Variants in ATN1 observed in about 807,000 individuals in gnomAD.
ATN1 encodes atrophin-1.
Under a neutral mutation model 85.8 loss-of-function variants are expected in ATN1, and 19 were observed. The ratio of observed to expected loss-of-function variants is 0.22; its 90% confidence interval spans 0.15 to 0.32. The LOEUF (loss-of-function observed/expected upper bound fraction) is 0.32, where lower values mean the gene tolerates loss of function less well. ATN1 is among the 10% of genes least tolerant of loss of function. The probability of loss-of-function intolerance (pLI) is 1.00; values close to 1 mark genes in which losing one functional copy is unlikely to be tolerated. For synonymous variants in ATN1, 674 were observed against 657.0 expected (o/e 1.03, Z -0.39); for missense variants, 1,453 against 1,564.5 (o/e 0.93, Z 1.20).
chr12:6,925,466 A>G (rs2138195122), upstream of ATN1, among the ~76,000 whole-genome samples: 2 of 152,112 alleles, frequency 1.3e-5, no homozygotes, highest in Middle Eastern at 6.8e-3. Context: ...GAACAAAGTC[A>G]GGGGTGGGGA....
chr12:6,937,735 C>T lies in ATN1; in HGVS notation c.2295-110C>T, dbSNP rs1945569662. The T allele has an allele frequency of 6.9e-7, 1 of 1,456,530 alleles. No homozygotes were observed. The highest frequency in any genetic ancestry group is 9.0e-7 in the Non-Finnish European group (1 of 1,107,506). The allele number at this position is 1,456,530 out of a possible 1,614,324, so 90.2% of individuals were successfully genotyped here. On this transcript the variant is annotated intron_variant, in intron 5 of 9. Coordinates refer to ENST00000396684, the MANE Select transcript of ATN1 (RefSeq NM_001940.4). The surrounding 1 kb of genome is among the most constrained non-coding windows in gnomAD (Gnocchi z 6.0). ...GAGGCCCGCAGCAGCTCACAGCCTG[C>T]AGGGGTGGTTTTGAGGCGGGGGCTA... is the stretch of plus-strand genomic sequence containing the variant.
rs781873081 is a variant in ATN1, at chr12:6,934,921, C to T, written c.279+343C>T. 2.6e-5 allele frequency among the ~76,000 whole-genome samples: 4 copies of T among 151,938 alleles called. No homozygotes were observed. Among genetic ancestry groups the T allele is most frequent in the East Asian group, 1.9e-4 (1 of 5,184 alleles). On this transcript the variant is annotated intron_variant, in intron 4 of 9. Transcript: ENST00000396684. The surrounding 1 kb of genome is among the most constrained non-coding windows in gnomAD (Gnocchi z 4.5). ...TGTTTGTTTGTTTTTGAGACAGTTT[C>T]GCTCTGTCACCCAGGCTGGAGTACA...
chr12:6,936,221 T>G lies in ATN1; in HGVS notation c.954T>G (p.Pro318=). 2 of 1,601,318 alleles carry G rather than the reference T, an allele frequency of 1.2e-6. No individual in the cohort carries two copies. The highest frequency in any genetic ancestry group is 1.7e-6 in the Non-Finnish European group (2 of 1,172,928). ...RPLNNASASP[P]GLGAQPLPGH... Reference sequence around the variant, plus strand: ...TCAACAATGCATCAGCCTCTCCCCCTGGCCTGGGGGCCCAACCACTACCTG... The same window carrying G: ...TCAACAATGCATCAGCCTCTCCCCCGGGCCTGGGGGCCCAACCACTACCTG... The change falls in exon 5 of 10, where the codon CCT becomes CCG. Residue 318 remains proline (P), a synonymous_variant. Transcript: ENST00000396684.
At chr12:6,933,762 G>T in intron 1 of ATN1, 78 bp from the exon 2 acceptor site, 1 of 600,348 alleles carries the variant, frequency 1.7e-6, no homozygotes, top group Non-Finnish European at 3.0e-6. Flanking sequence ...CGCTTGCTCA[G>T]TTCTCTGACA....
chr12:6,937,757 G>A lies in ATN1; in HGVS notation c.2295-88G>A. On this transcript the variant is annotated intron_variant, in intron 5 of 9. Transcript: ENST00000396684. The surrounding 1 kb of genome is among the most constrained non-coding windows in gnomAD (Gnocchi z 6.0). ...CTGCAGGGGTGGTTTTGAGGCGGGG[G>A]CTACAAGCACTCGCCGGGGCCGCGG... 1 of 1,464,120 alleles carries A rather than the reference G, an allele frequency of 6.8e-7. No homozygotes were observed. Among genetic ancestry groups the A allele is most frequent in the Non-Finnish European group, 9.0e-7 (1 of 1,110,284 alleles). 90.7% of individuals were successfully genotyped at this position (1,464,120 alleles called of 1,614,324 possible). A position where few individuals can be genotyped will look rare whatever the true frequency, so the allele number is the denominator to read the frequency against.
chr12:6,930,605 C>A (rs1441591843), intron 1 of ATN1, among the ~76,000 whole-genome samples: 1 of 152,192 alleles, frequency 6.6e-6, no homozygotes, highest in Admixed American at 6.5e-5. Context: ...ACCATCCTGG[C>A]TAACACGGTG....
intron 7 of ATN1, among the ~76,000 whole-genome samples, chr12:6,940,285 C>T (rs952203673): frequency 2.6e-5 from 4 of 151,168 alleles, no homozygotes; most frequent in Admixed American, 2.0e-4. Flanking sequence ...CCACCGCACC[C>T]GGCTTCCTTT....
Position 6,936,887 on chromosome 12 carries a change from G to T in ATN1, c.1620G>T (p.Arg540Ser), listed in dbSNP as rs782491137. ...YAMSPSLGSLRPYPPGPAHLP... is the reference protein window; with the variant it reads ...YAMSPSLGSLSPYPPGPAHLP... ...TGTCTCCCTCCCTGGGGTCTCTGAG[G>T]CCCTACCCACCAGGGCCAGCACACC... The change falls in exon 5 of 10, where the codon AGG (arginine) becomes AGT (serine). Residue 540 changes from arginine (R) to serine (S), a missense_variant. Arg to Ser is a moderately radical substitution (Grantham distance 110). Coordinates refer to ENST00000396684, the MANE Select transcript of ATN1 (RefSeq NM_001940.4). The T allele has an allele frequency of 6.2e-6, 10 of 1,613,786 alleles. No individual in the cohort carries two copies. Among genetic ancestry groups the T allele is most frequent in the Admixed American group, 1.7e-5 (1 of 59,992 alleles).
At position 6,937,576 on chromosome 12, in the gene ATN1, G is replaced by A; in HGVS notation, c.2294+15G>A. ...CAGTCTGCCAGGTGAGCGGCCAGGTGGGGCGGAGGTGGGCCTGGAAAGGGG... is the reference window on the plus strand; with the variant it reads ...CAGTCTGCCAGGTGAGCGGCCAGGTAGGGCGGAGGTGGGCCTGGAAAGGGG... On this transcript the variant is annotated intron_variant, in intron 5 of 9. Transcript: ENST00000396684. The surrounding 1 kb of genome is among the most constrained non-coding windows in gnomAD (Gnocchi z 6.0). 1.4e-6 allele frequency: 2 copies of A among 1,481,050 alleles called. No individual in the cohort carries two copies. Among genetic ancestry groups the A allele is most frequent in the Non-Finnish European group, 9.0e-7 (1 of 1,117,118 alleles). The allele number at this position is 1,481,050 out of a possible 1,614,324, so 91.7% of individuals were successfully genotyped here.
At position 6,930,203 on chromosome 12, in the gene ATN1, C is replaced by T. The variant is rs782273121; in HGVS notation, c.-163+1819C>T. Among the ~76,000 whole-genome samples, 12 of 152,242 alleles carry T rather than the reference C, an allele frequency of 7.9e-5. No homozygotes were observed. In the East Asian group the frequency reaches 1.7e-3, roughly 22 times the overall value. On this transcript the variant is annotated intron_variant, in intron 1 of 9. Transcript: ENST00000396684. ...ATCTCTGAGGCCTCTCTGAAGGTCC[C>T]GGATTCTCAGAAGGCTTAGGCCAGT... is the stretch of plus-strand genomic sequence containing the variant.
At chr12:6,925,476 AG>A (rs1300065356), upstream of ATN1, among the ~76,000 whole-genome samples, 6 of 152,098 alleles carry the variant, frequency 3.9e-5, no homozygotes, top group African/African-American at 1.4e-4. Flanking sequence ...AGGGGTGGGG[AG>A]GAGCAGCAGC....
At position 6,933,754 on chromosome 12, in the gene ATN1, C is replaced by T. The variant is rs1421442145; in HGVS notation, c.-162-86C>T. 28 of 589,832 alleles carry T rather than the reference C, an allele frequency of 4.7e-5. 1 individual carries two copies. In the South Asian group the frequency reaches 5.8e-4, roughly 12 times the overall value. 36.5% of individuals were successfully genotyped at this position (589,832 alleles called of 1,614,324 possible). A position where few individuals can be genotyped will look rare whatever the true frequency, so the allele number is the denominator to read the frequency against. Reference sequence around the variant, plus strand: ...GGCCCAAAGGCTTAGGGTTGGGCCGCTTGCTCAGTTCTCTGACAAGCAGAA... The same window carrying T: ...GGCCCAAAGGCTTAGGGTTGGGCCGTTTGCTCAGTTCTCTGACAAGCAGAA... On this transcript the variant is annotated intron_variant, in intron 1 of 9. Coordinates refer to ENST00000396684, the MANE Select transcript of ATN1 (RefSeq NM_001940.4).
At chr12:6,925,570 G>T (rs1709087282), upstream of ATN1, among the ~76,000 whole-genome samples, 1 of 152,160 alleles carries the variant, frequency 6.6e-6, no homozygotes, top group Non-Finnish European at 1.5e-5. Flanking sequence ...TGGGAGGAAG[G>T]TGTGCTTGGA....
In ATN1 at chr12:6,938,026, G is replaced by A. The variant is rs1945576097; in HGVS notation, c.2476G>A (p.Glu826Lys). Residue 826 changes from glutamate to lysine, a missense_variant, in exon 6 of 10, where the codon GAG becomes AAG. By Grantham distance (56) the Glu-to-Lys change is moderately conservative. This residue lies in a region of ATN1 where 990 missense variants were observed against 914.8 expected (regional missense o/e 1.08). Transcript: ENST00000396684. The stretch of plus-strand genomic sequence containing the variant: ...CGAGCGCGAGCGGGAACGCGAGAAA[G>A]AGCGCGAGCGCGAGAAGGAGCGCGA... The part of the protein sequence containing the change: ...EREREREREK[E>K]REREKERELE... 1 of 1,545,766 alleles carries A rather than the reference G, an allele frequency of 6.5e-7. No individual in the cohort carries two copies. Among genetic ancestry groups the A allele is most frequent in the Non-Finnish European group, 8.7e-7 (1 of 1,146,180 alleles).
chr12:6,925,141 T>TGTGTGTGAGA (rs1445451270), upstream of ATN1, among the ~76,000 whole-genome samples: 39 of 147,660 alleles, frequency 2.6e-4, no homozygotes, highest in African/African-American at 8.9e-4. Context: ...TGTGTGTGTG[T>TGTGTGTGAGA]GAGAGAGAGA....
chr12:6,932,748 A>ACCTTT (rs1945481554), intron 1 of ATN1, among the ~76,000 whole-genome samples: 1 of 152,212 alleles, frequency 6.6e-6, no homozygotes, highest in African/African-American at 2.4e-5. Flanking sequence ...AGTACTAGAG[A>ACCTTT]ATGGGTCCTT....
At position 6,938,592 on chromosome 12, in the gene ATN1, G is replaced by C; in HGVS notation, c.2629G>C (p.Gly877Arg). 1 of 1,614,212 alleles carries C rather than the reference G, an allele frequency of 6.2e-7. No individual in the cohort carries two copies. The highest frequency in any genetic ancestry group is 8.5e-7 in the Non-Finnish European group (1 of 1,180,022). The change falls in exon 7 of 10, where the codon GGT becomes CGT. Residue 877 changes from glycine to arginine, a missense_variant. Gly to Arg is a moderately radical substitution (Grantham distance 125). Around this residue, in one of 6 missense-constraint regions of ATN1, gnomAD observed 208 missense variants for 263.4 expected, o/e 0.79. Coordinates refer to ENST00000396684, the MANE Select transcript of ATN1 (RefSeq NM_001940.4). Reference protein sequence around the residue: ...SAVATVPPYLGPDTPALRTLS... With the variant: ...SAVATVPPYLRPDTPALRTLS... ...GGTGGCTACAGTGCCCCCCTACCTG[G>C]GTCCTGACACTCCAGCCTTGCGCAC...
chr12:6,933,507 T>C (rs1360524266), intron 1 of ATN1, among the ~76,000 whole-genome samples: 1 of 152,222 alleles, frequency 6.6e-6, no homozygotes, highest in African/African-American at 2.4e-5. Flanking sequence ...TTTATGTTCC[T>C]TTGTAAGGCT....
intron 1 of ATN1, among the ~76,000 whole-genome samples, chr12:6,931,114 T>C (rs782733220): frequency 5.7e-4 from 87 of 152,190 alleles, no homozygotes; most frequent in Admixed American, 1.0e-3. Flanking sequence ...CATACTATGA[T>C]TGCTGTGTTC....
Sources: gnomAD v4.1 joint callset for allele counts (sites outside exome capture counted in the v4.1 genomes callset) on GRCh38, gnomAD v4.1.1 for gene constraint, gnomAD v4.1.1 regional missense constraint, Gnocchi (gnomAD v3.1) non-coding constraint, MANE v1.5 for transcripts, NCBI Gene and HGNC (gene_info 2026-07-23, HGNC 2026-07-21) for gene names.